Variants in MGAT5B observed in about 807,000 individuals in gnomAD.
MGAT5B encodes the protein alpha-1,6-mannosylglycoprotein 6-beta-N-acetylglucosaminyltransferase B.
In MGAT5B, 54 loss-of-function variants were observed where a neutral mutation model predicts 95.1. That is an observed-to-expected ratio of 0.57 (90% CI 0.46 to 0.71). The LOEUF (loss-of-function observed/expected upper bound fraction) is 0.71, where lower values mean the gene tolerates loss of function less well. Ranked by LOEUF, MGAT5B falls within the 30% of genes least tolerant of loss-of-function variation. MGAT5B has a pLI of 0.00. For missense variants in MGAT5B, 935 were observed against 1,088.6 expected (o/e 0.86, Z 1.99); for synonymous variants, 464 against 451.0 (o/e 1.03, Z -0.36).
chr17:76,936,939 T>C (rs1212340992), intron 12 of MGAT5B, among the ~76,000 whole-genome samples: 2 of 152,188 alleles, frequency 1.3e-5, no homozygotes, highest in South Asian at 4.1e-4. Flanking sequence ...CATTTCCAAA[T>C]GAGTTTTAGA....
At chr17:76,894,865 GA>G (rs930648241) in intron 3 of MGAT5B, among the ~76,000 whole-genome samples, 2 of 143,978 alleles carry the variant, frequency 1.4e-5, no homozygotes, top group African/African-American at 2.6e-5. Flanking sequence ...AAAAAAAAAA[GA>G]AAAAAAGAAA....
intron 10 of MGAT5B, among the ~76,000 whole-genome samples, chr17:76,929,414 T>G (rs140807823): frequency 6.6e-6 from 1 of 152,232 alleles, no homozygotes; most frequent in African/African-American, 2.4e-5. Context: ...ACTGATCCCC[T>G]CATCTCCTAC....
At position 76,915,743 on chromosome 17, in the gene MGAT5B, C is replaced by T. The variant is rs572343650; in HGVS notation, c.1026-9223C>T. 9.8e-5 allele frequency among the ~76,000 whole-genome samples: 15 copies of T among 152,310 alleles called. No individual in the cohort carries two copies. In the South Asian group the frequency reaches 1.9e-3, roughly 19 times the overall value. ...ACCCTCCCCGTTCCAAGAGGAGGCACGAGAGGCCGACGATTACAATTCACT... is the reference window on the plus strand; with the variant it reads ...ACCCTCCCCGTTCCAAGAGGAGGCATGAGAGGCCGACGATTACAATTCACT... On this transcript the variant is annotated intron_variant, in intron 8 of 17. Coordinates refer to ENST00000569840, the MANE Select transcript of MGAT5B (RefSeq NM_001199172.2). This position sits in a 1 kb window ranked among gnomAD's most constrained non-coding sequence, Gnocchi z 8.7.
At chr17:76,935,757 C>G (rs1015205961) in intron 12 of MGAT5B, among the ~76,000 whole-genome samples, 5 of 144,752 alleles carry the variant, frequency 3.5e-5, no homozygotes, top group African/African-American at 1.0e-4. Context: ...TAAATATTTT[C>G]TTCTAGTCTG....
Position 76,906,736 on chromosome 17 carries a change from G to A in MGAT5B, c.1025+549G>A, listed in dbSNP as rs955795795. Among the ~76,000 whole-genome samples the A allele has an allele frequency of 2.6e-5, 4 of 152,112 alleles. No homozygotes were observed. The East Asian group carries it at 7.7e-4, about 29-fold the overall frequency. On this transcript the variant is annotated intron_variant, in intron 8 of 17. Coordinates refer to ENST00000569840, the MANE Select transcript of MGAT5B (RefSeq NM_001199172.2). The surrounding 1 kb of genome is among the most constrained non-coding windows in gnomAD (Gnocchi z 4.6). ...CCCTGAGTGTTTGAGGGTAGGATGG[G>A]GGTGAGGCTGAGAGTGTGGGGATGT...
rs145121930 is a variant in MGAT5B at position 76,928,739 on chromosome 17, G to A, written c.1291+2009G>A. ...ACAAAATAGAGAAAAAAGAAAAAAA[G>A]GAAGGGAAGCAGTCAGATTGGAGGC... On this transcript the variant is annotated intron_variant, in intron 10 of 17. Transcript: ENST00000569840. 1.4e-3 allele frequency among the ~76,000 whole-genome samples: 219 copies of A among 152,030 alleles called. 1 individual carries two copies. Among genetic ancestry groups the A allele is most frequent in the African/African-American group, 5.0e-3 (209 of 41,462 alleles).
At chr17:76,883,005 TA>T (rs200591076) in intron 3 of MGAT5B, among the ~76,000 whole-genome samples, 5 of 150,150 alleles carry the variant, frequency 3.3e-5, no homozygotes, top group African/African-American at 7.4e-5. Context: ...CCTTTTAAAT[TA>T]AAAAAAAAAT....
Position 76,948,737 on chromosome 17 carries a change from C to T in MGAT5B, c.2278C>T (p.Leu760=), listed in dbSNP as rs1290088825. Reference sequence around the variant, plus strand: ...GGAGTGCTACCTGCAGAAGGAGCCTCTGCTCTTCAGCTGCGCCGGCTCCAA... The same window carrying T: ...GGAGTGCTACCTGCAGAAGGAGCCTTTGCTCTTCAGCTGCGCCGGCTCCAA... The part of the protein sequence containing the change: ...GQECYLQKEP[L]LFSCAGSNTK... The change falls in exon 18 of 18, where the codon CTG becomes TTG. Residue 760 remains leucine (L), a synonymous_variant. Transcript: ENST00000569840. The T allele has an allele frequency of 1.2e-6, 2 of 1,612,804 alleles. No homozygotes were observed. The highest frequency in any genetic ancestry group is 1.7e-5 in the Admixed American group (1 of 59,908).
intron 3 of MGAT5B, among the ~76,000 whole-genome samples, chr17:76,886,844 G>A (rs1568168450): frequency 6.6e-6 from 1 of 152,164 alleles, no homozygotes; most frequent in Non-Finnish European, 1.5e-5. Context: ...AGGAGTTCGA[G>A]ACCAGCCTGG....
chr17:76,875,822 G>A (rs1323605703), intron 2 of MGAT5B, among the ~76,000 whole-genome samples: 4 of 151,982 alleles, frequency 2.6e-5, no homozygotes, highest in Non-Finnish European at 2.9e-5. Flanking sequence ...GTAAACATAC[G>A]TAGGCATTTC....
At chr17:76,931,937 G>A (rs1969489213) in intron 10 of MGAT5B, among the ~76,000 whole-genome samples, 1 of 152,042 alleles carries the variant, frequency 6.6e-6, no homozygotes, top group South Asian at 2.1e-4. Context: ...GTCACCCGGG[G>A]GCCTCAGCCT....
intron 3 of MGAT5B, among the ~76,000 whole-genome samples, chr17:76,882,824 C>T (rs1167843970): frequency 6.6e-6 from 1 of 150,946 alleles, no homozygotes; most frequent in Non-Finnish European, 1.5e-5. Context: ...AAGCGATCCT[C>T]CCACCCCAGC....
At chr17:76,907,410 G>A (rs757652393) in intron 8 of MGAT5B, among the ~76,000 whole-genome samples, 10 of 152,188 alleles carry the variant, frequency 6.6e-5, no homozygotes, top group Non-Finnish European at 1.5e-4. Context: ...ACAGTTTATG[G>A]TTTGCTTTTG....
At chr17:76,923,577 C>A (rs1039425539) in intron 8 of MGAT5B, among the ~76,000 whole-genome samples, 53 of 152,076 alleles carry the variant, frequency 3.5e-4, no homozygotes, top group Non-Finnish European at 5.9e-5. Context: ...GCTTGGGCAT[C>A]CCCCCTGCCC....
At position 76,870,590 on chromosome 17, in the gene MGAT5B, C is replaced by T. The variant is rs900573227; in HGVS notation, c.68+1493C>T. Among the ~76,000 whole-genome samples the T allele has an allele frequency of 1.3e-5, 2 of 151,998 alleles. No homozygotes were observed. Among genetic ancestry groups the T allele is most frequent in the Non-Finnish European group, 2.9e-5 (2 of 67,968 alleles). ...CAGTGCTCGCGACCCAGGGCTGCTT[C>T]CCTGTCTGGTCCTGCCCTGGTTTTC... On this transcript the variant is annotated intron_variant, in intron 1 of 17. Coordinates refer to ENST00000569840, the MANE Select transcript of MGAT5B (RefSeq NM_001199172.2). This position sits in a 1 kb window ranked among gnomAD's most constrained non-coding sequence, Gnocchi z 5.0.
At chr17:76,934,576 A>C (rs772918343) in intron 12 of MGAT5B, among the ~76,000 whole-genome samples, 9 of 152,136 alleles carry the variant, frequency 5.9e-5, no homozygotes, top group Admixed American at 1.3e-4. Context: ...AAGCCCGGGA[A>C]GCTGTGGGCA....
intron 8 of MGAT5B, among the ~76,000 whole-genome samples, chr17:76,919,642 G>A (rs1289450115): frequency 1.3e-5 from 2 of 152,150 alleles, no homozygotes; most frequent in Non-Finnish European, 2.9e-5. Flanking sequence ...TGTCATCCAG[G>A]CTGGTCTCAA....
chr17:76,931,491 G>A (rs1249225162), intron 10 of MGAT5B, among the ~76,000 whole-genome samples: 4 of 152,242 alleles, frequency 2.6e-5, no homozygotes, highest in African/African-American at 4.8e-5. Flanking sequence ...GGGACAATGA[G>A]TGACTGGGGT....
intron 12 of MGAT5B, among the ~76,000 whole-genome samples, chr17:76,935,803 A>T (rs886493953): frequency 4.2e-5 from 6 of 141,738 alleles, no homozygotes; most frequent in Admixed American, 3.7e-4. Context: ...TATATATATT[A>T]TATATATTAT....
Sources: gnomAD v4.1 joint callset for allele counts (sites outside exome capture counted in the v4.1 genomes callset) on GRCh38, gnomAD v4.1.1 for gene constraint, Gnocchi (gnomAD v3.1) non-coding constraint, MANE v1.5 for transcripts, NCBI Gene and HGNC (gene_info 2026-07-23, HGNC 2026-07-21) for gene names.